The following KCTD16 variants were observed in gnomAD, a reference collection of about 807,000 sequenced individuals.
The protein encoded by KCTD16 is potassium channel tetramerization domain containing 16, also known as BTB/POZ domain-containing protein KCTD16.
KCTD16 carries 13 observed loss-of-function variants against 33.2 expected under a neutral mutation model. The observed-to-expected ratio is 0.39, with a 90% CI of 0.25 to 0.62. The LOEUF is 0.62. KCTD16 is among the 20% of genes least tolerant of loss of function. The pLI is 0.50. For synonymous variants in KCTD16, 197 were observed against 195.3 expected (o/e 1.01, Z -0.07); for missense variants, 441 against 525.1 (o/e 0.84, Z 1.57).
chr5:144,337,208 G>A (rs1379018326), intron 3 of KCTD16, among the ~76,000 whole-genome samples: 1 of 151,784 alleles, frequency 6.6e-6, no homozygotes, highest in Admixed American at 6.6e-5. Context: ...TTTTTGCGTT[G>A]CGTGCTGTAG....
At chr5:144,452,459 TGA>T (rs970466092) in intron 3 of KCTD16, among the ~76,000 whole-genome samples, 9 of 151,188 alleles carry the variant, frequency 6.0e-5, no homozygotes, top group African/African-American at 1.2e-4. Flanking sequence ...ATTTTTAATA[TGA>T]GAGAGAGAGA....
chr5:144,420,216 A>G (rs1212274193), intron 3 of KCTD16, among the ~76,000 whole-genome samples: 1 of 152,072 alleles, frequency 6.6e-6, no homozygotes, highest in African/African-American at 2.4e-5. Flanking sequence ...TTATAGGATA[A>G]CTTGAAGCAT....
At chr5:144,443,621 T>G (rs1485521182) in intron 3 of KCTD16, among the ~76,000 whole-genome samples, 1 of 152,082 alleles carries the variant, frequency 6.6e-6, no homozygotes, top group Non-Finnish European at 1.5e-5. Context: ...AGTGTTTTTC[T>G]GTCATCCTCC....
chr5:144,224,383 GTTTTTT>G (rs530446253), intron 3 of KCTD16, among the ~76,000 whole-genome samples: 3 of 100,346 alleles, frequency 3.0e-5, no homozygotes, highest in Admixed American at 1.2e-4. Context: ...AATATAATGT[GTTTTTT>G]TTTTTTTTTT....
chr5:144,372,205 C>CT (rs200508726), intron 3 of KCTD16, among the ~76,000 whole-genome samples: 11,257 of 142,412 alleles, frequency 0.079, 934 homozygotes, highest in African/African-American at 0.21. Context: ...CTCTGTGCTT[C>CT]TTTTTTTTTT....
At chr5:144,323,682 G>A (rs576785731) in intron 3 of KCTD16, among the ~76,000 whole-genome samples, 2 of 152,246 alleles carry the variant, frequency 1.3e-5, no homozygotes, top group South Asian at 2.1e-4. Context: ...TAGCAGCTGG[G>A]CCCTTGGGTA....
chr5:144,379,314 A>C (rs1214611906), intron 3 of KCTD16, among the ~76,000 whole-genome samples: 1 of 152,122 alleles, frequency 6.6e-6, no homozygotes, highest in East Asian at 1.9e-4. Context: ...ACTTTGGATA[A>C]AGATTGGAGG....
chr5:144,278,513 C>T (rs1231937597), intron 3 of KCTD16, among the ~76,000 whole-genome samples: 3 of 93,504 alleles, frequency 3.2e-5, no homozygotes, highest in East Asian at 3.1e-4. Context: ...TTTTTTGAGA[C>T]GGAGTCTCGC....
intron 2 of KCTD16, among the ~76,000 whole-genome samples, chr5:144,186,665 C>T (rs1444978761): frequency 6.6e-6 from 1 of 152,036 alleles, no homozygotes; most frequent in Non-Finnish European, 1.5e-5. Flanking sequence ...TCAACACATG[C>T]CCAATCCAAA....
intron 3 of KCTD16, among the ~76,000 whole-genome samples, chr5:144,316,826 CTTTT>C (rs34796022): frequency 9.0e-6 from 1 of 111,168 alleles, no homozygotes. Context: ...GCCAGCATCC[CTTTT>C]TTTTTTTTTT....
intron 3 of KCTD16, among the ~76,000 whole-genome samples, chr5:144,263,834 C>T (rs556613557): frequency 1.3e-5 from 2 of 152,354 alleles, no homozygotes; most frequent in Admixed American, 6.5e-5. Flanking sequence ...CAGAGTGCCA[C>T]CATGACTGGG....
At chr5:144,295,120 A>G (rs1289257544) in intron 3 of KCTD16, among the ~76,000 whole-genome samples, 1 of 152,194 alleles carries the variant, frequency 6.6e-6, no homozygotes, top group Non-Finnish European at 1.5e-5. Context: ...AAATTTATGC[A>G]AGTTAACTGC....
At chr5:144,313,849 A>G (rs1477212579) in intron 3 of KCTD16, among the ~76,000 whole-genome samples, 1 of 152,200 alleles carries the variant, frequency 6.6e-6, no homozygotes, top group Non-Finnish European at 1.5e-5. Flanking sequence ...AGTAGTAGTA[A>G]TAGTACTTAT....
At chr5:144,183,893 G>A (rs889941189) in intron 2 of KCTD16, among the ~76,000 whole-genome samples, 2 of 152,062 alleles carry the variant, frequency 1.3e-5, no homozygotes, top group Non-Finnish European at 2.9e-5. Flanking sequence ...CATAAATCTT[G>A]TACATAGTGC....
chr5:144,447,703 T>C (rs1753852312), intron 3 of KCTD16, among the ~76,000 whole-genome samples: 1 of 152,068 alleles, frequency 6.6e-6, no homozygotes, highest in East Asian at 1.9e-4. Context: ...TAAATACATA[T>C]ACAACATAAA....
chr5:144,358,831 A>G (rs1751637151), intron 3 of KCTD16, among the ~76,000 whole-genome samples: 1 of 152,170 alleles, frequency 6.6e-6, no homozygotes, highest in African/African-American at 2.4e-5. Context: ...GGCCTCTTTT[A>G]TAAAGTCACT....
At chr5:144,288,402 T>A (rs1243708198) in intron 3 of KCTD16, among the ~76,000 whole-genome samples, 1 of 152,100 alleles carries the variant, frequency 6.6e-6, no homozygotes, top group African/African-American at 2.4e-5. Context: ...TGTGGGAGCA[T>A]TGCTTGGCAC....
chr5:144,417,462 G>C (rs1321630859), intron 3 of KCTD16, among the ~76,000 whole-genome samples: 1 of 151,952 alleles, frequency 6.6e-6, no homozygotes, highest in Non-Finnish European at 1.5e-5. Context: ...TTTTTAAACT[G>C]AGTTTGCCTT....
rs367796082 is a variant in KCTD16, at chr5:144,398,708, A to ACTCTCTCTCTCTCTCTCT, written c.833-74945_833-74928dup. Among the ~76,000 whole-genome samples, 144 of 145,516 alleles carry ACTCTCTCTCTCTCTCTCT rather than the reference A, an allele frequency of 9.9e-4. 2 individuals carry two copies. The highest frequency in any genetic ancestry group is 3.5e-3 in the African/African-American group (141 of 39,818). ...CTTTGAATATATTACACACACACAC[A>ACTCTCTCTCTCTCTCTCT]CTCTCTCTCTCTCTCTCTCTCTCTT... On this transcript the variant is annotated intron_variant, in intron 3 of 3. Transcript: ENST00000512467.
Sources: gnomAD v4.1 joint callset for allele counts (sites outside exome capture counted in the v4.1 genomes callset) on GRCh38, gnomAD v4.1.1 for gene constraint, MANE v1.5 for transcripts, NCBI Gene and HGNC (gene_info 2026-07-23, HGNC 2026-07-21) for gene names.